The following CLYBL variants were observed in gnomAD, a reference collection of about 807,000 sequenced individuals.
The protein encoded by CLYBL is citramalyl-CoA lyase, mitochondrial.
Under a neutral mutation model 38.9 loss-of-function variants are expected in CLYBL, and 31 were observed. That is an observed-to-expected ratio of 0.80 (90% CI 0.60 to 1.08). The LOEUF (loss-of-function observed/expected upper bound fraction) is 1.08. Among genes scored for constraint, CLYBL ranks in the 50% least tolerant of loss-of-function variants. The probability of loss-of-function intolerance (pLI) is 0.00; values close to 1 mark genes in which losing one functional copy is unlikely to be tolerated. For synonymous variants in CLYBL, 171 were observed against 158.6 expected (o/e 1.08, Z -0.59); for missense variants, 434 against 411.6 (o/e 1.05, Z -0.47).
intron 2 of CLYBL, among the ~76,000 whole-genome samples, chr13:99,844,786 A>C (rs1184401225): frequency 2.0e-5 from 3 of 152,152 alleles, no homozygotes; most frequent in Non-Finnish European, 4.4e-5. Context: ...TTTTTCCCTG[A>C]AAGTCTTCCC....
downstream of CLYBL, chr13:99,894,603 T>C (rs561725753): frequency 6.6e-6 from 1 of 152,172 alleles, no homozygotes; most frequent in African/African-American, 2.4e-5. Context: ...AAGGCAAGAC[T>C]GACTGTATGT....
At chr13:99,795,190 A>G (rs1223856749) in intron 2 of CLYBL, among the ~76,000 whole-genome samples, 1 of 152,102 alleles carries the variant, frequency 6.6e-6, no homozygotes, top group Non-Finnish European at 1.5e-5. Context: ...GCTATTTCAA[A>G]TATGTTTTTG....
intron 1 of CLYBL, among the ~76,000 whole-genome samples, chr13:99,684,934 T>C (rs1192458071): frequency 6.6e-6 from 1 of 152,240 alleles, no homozygotes; most frequent in Non-Finnish European, 1.5e-5. Context: ...ACATTATATA[T>C]GTGACCAATT....
intron 1 of CLYBL, among the ~76,000 whole-genome samples, chr13:99,616,727 G>T (rs1324071529): frequency 1.3e-5 from 2 of 152,170 alleles, no homozygotes; most frequent in African/African-American, 4.8e-5. Context: ...AGGCTGAAGT[G>T]GACCGATCAC....
intron 1 of CLYBL, among the ~76,000 whole-genome samples, chr13:99,676,422 A>C (rs1410179026): frequency 6.8e-6 from 1 of 147,716 alleles, no homozygotes; most frequent in Non-Finnish European, 1.5e-5. Flanking sequence ...TGTCTTAGCC[A>C]CTCGAGTAGC....
intron 2 of CLYBL, among the ~76,000 whole-genome samples, chr13:99,830,352 C>T (rs2050781027): frequency 6.6e-6 from 1 of 152,190 alleles, no homozygotes; most frequent in South Asian, 2.1e-4. Flanking sequence ...AGATGAACAA[C>T]ACAACGGGAA....
chr13:99,804,110 A>T (rs1197615407), intron 2 of CLYBL, among the ~76,000 whole-genome samples: 1 of 152,246 alleles, frequency 6.6e-6, no homozygotes, highest in Admixed American at 6.5e-5. Flanking sequence ...CCCCATCAAC[A>T]AAGGACGCAA....
intron 1 of CLYBL, among the ~76,000 whole-genome samples, chr13:99,640,716 G>A (rs2139266070): frequency 6.6e-6 from 1 of 152,350 alleles, no homozygotes; most frequent in African/African-American, 2.4e-5. Context: ...AAGTAGCCCT[G>A]AAGTGTTCAA....
At chr13:99,900,168 C>T (rs1386776456), downstream of CLYBL, among the ~76,000 whole-genome samples, 5 of 148,784 alleles carry the variant, frequency 3.4e-5, no homozygotes, top group Non-Finnish European at 7.5e-5. Context: ...CTCAGGTGAT[C>T]CACCCGCCTC....
intron 2 of CLYBL, among the ~76,000 whole-genome samples, chr13:99,810,996 G>A (rs1323368996): frequency 2.0e-5 from 3 of 152,128 alleles, no homozygotes; most frequent in African/African-American, 7.2e-5. Flanking sequence ...AAAAATTTTA[G>A]GAGAGCCACG....
chr13:99,697,940 A>G (rs981616265), intron 1 of CLYBL, among the ~76,000 whole-genome samples: 1 of 151,826 alleles, frequency 6.6e-6, no homozygotes, highest in Non-Finnish European at 1.5e-5. Context: ...GAGCCACCCC[A>G]CCGGGCCTCC....
chr13:99,898,271 A>C (rs2052605282), downstream of CLYBL, among the ~76,000 whole-genome samples: 1 of 152,242 alleles, frequency 6.6e-6, no homozygotes, highest in African/African-American at 2.4e-5. Context: ...AATCAAGAGA[A>C]AAATGAACAT....
intron 7 of CLYBL, among the ~76,000 whole-genome samples, chr13:99,877,366 G>T (rs1395892825): frequency 6.6e-6 from 1 of 151,962 alleles, no homozygotes; most frequent in African/African-American, 2.4e-5. Flanking sequence ...GTCTGTGTGT[G>T]TATCTTTCTG....
intron 2 of CLYBL, among the ~76,000 whole-genome samples, chr13:99,842,120 A>G (rs1178346969): frequency 6.6e-6 from 1 of 152,166 alleles, no homozygotes; most frequent in Non-Finnish European, 1.5e-5. Flanking sequence ...GCCCAGCTGG[A>G]ACACCTATGT....
chr13:99,858,736 C>G, intron 2 of CLYBL, 125 bp from the exon 3 acceptor site: 2 of 644,526 alleles, frequency 3.1e-6, no homozygotes, highest in Non-Finnish European at 5.1e-6. Context: ...ATTTGGTGGA[C>G]AGGAAATGTG....
chr13:99,671,790 A>ATAAT (rs200783176), intron 1 of CLYBL, among the ~76,000 whole-genome samples: 1 of 125,580 alleles, frequency 8.0e-6, no homozygotes, highest in African/African-American at 3.0e-5. Context: ...AAAAAAAAAA[A>ATAAT]AAAAATAATA....
At chr13:99,830,410 A>C (rs2050782305) in intron 2 of CLYBL, among the ~76,000 whole-genome samples, 1 of 152,208 alleles carries the variant, frequency 6.6e-6, no homozygotes, top group East Asian at 1.9e-4. Context: ...GCGTGGTTCC[A>C]GGCACCACTG....
rs141842115 is a variant in CLYBL at position 99,794,146 on chromosome 13, C to T, written c.249+21136C>T. On this transcript the variant is annotated intron_variant, in intron 2 of 8. Coordinates refer to ENST00000339105, the MANE Select transcript of CLYBL (RefSeq NM_206808.5). Reference sequence around the variant, plus strand: ...CTAACGAATCAAATATGTGGCCAGGCGCCGTGGCTCATGCCTGTAATCCCA... The same window carrying T: ...CTAACGAATCAAATATGTGGCCAGGTGCCGTGGCTCATGCCTGTAATCCCA... Among the ~76,000 whole-genome samples the T allele has an allele frequency of 2.8e-4, 43 of 152,272 alleles. 2 individuals carry two copies. The highest frequency in any genetic ancestry group is 3.4e-3 in the Middle Eastern group (1 of 294).
chr13:99,676,233 C>CTTCCTTCCTTCCTTCCT, intron 1 of CLYBL, among the ~76,000 whole-genome samples: 1 of 108,042 alleles, frequency 9.3e-6, no homozygotes, highest in East Asian at 3.6e-4. Flanking sequence ...TCCTTCCTTC[C>CTTCCTTCCTTCCTTCCT]TTCCTTTCCT....
Sources: gnomAD v4.1 joint callset for allele counts (sites outside exome capture counted in the v4.1 genomes callset) on GRCh38, gnomAD v4.1.1 for gene constraint, MANE v1.5 for transcripts, NCBI Gene and HGNC (gene_info 2026-07-23, HGNC 2026-07-21) for gene names.